The following XKR4 variants were observed in gnomAD, a reference collection of about 807,000 sequenced individuals.
XKR4 encodes the protein XK-related protein 4.
Under a neutral mutation model 53.9 loss-of-function variants are expected in XKR4, and 12 were observed. The observed-to-expected ratio is 0.22, with a 90% CI of 0.14 to 0.36. The LOEUF (loss-of-function observed/expected upper bound fraction) is 0.36. XKR4 is among the 10% of genes least tolerant of loss of function. The pLI is 1.00. For synonymous variants in XKR4, 354 were observed against 362.4 expected, an observed-to-expected ratio of 0.98 and a Z score of 0.26; for missense variants, 799 against 859.5, an observed-to-expected ratio of 0.93 and a Z score of 0.88.
At chr8:55,370,763 G>T (rs16919958) in intron 2 of XKR4, among the ~76,000 whole-genome samples, 1 of 152,008 alleles carries the variant, frequency 6.6e-6, no homozygotes, top group Admixed American at 6.5e-5. Flanking sequence ...GGAAAATTCC[G>T]TCGAGATGCA....
At chr8:55,472,213 G>T (rs561942037) in intron 2 of XKR4, among the ~76,000 whole-genome samples, 44 of 152,224 alleles carry the variant, frequency 2.9e-4, no homozygotes, top group Non-Finnish European at 4.7e-4. Context: ...TGGTAGATTA[G>T]CTAGGAATGG....
In XKR4 at chr8:55,416,785, C is replaced by G. The variant is rs961978686; in HGVS notation, c.1006+58908C>G. On this transcript the variant is annotated intron_variant, in intron 2 of 2. Coordinates refer to ENST00000327381, the MANE Select transcript of XKR4 (RefSeq NM_052898.2). ...GCCAGAAATGTATTTTACCTGATAC[C>G]ACAGCGATTCTCTATGAATTTAAGC... is the stretch of plus-strand genomic sequence containing the variant. Among the ~76,000 whole-genome samples the G allele has an allele frequency of 3.3e-5, 5 of 152,082 alleles. 1 individual carries two copies. In the East Asian group the frequency reaches 9.6e-4, roughly 29 times the overall value.
intron 1 of XKR4, among the ~76,000 whole-genome samples, chr8:55,222,864 C>G (rs1351659003): frequency 2.0e-5 from 3 of 151,888 alleles, no homozygotes; most frequent in Non-Finnish European, 4.4e-5. Context: ...TAAGGTCATT[C>G]ACACCACAGA....
intron 2 of XKR4, among the ~76,000 whole-genome samples, chr8:55,462,880 G>A (rs1024198068): frequency 3.9e-5 from 6 of 152,080 alleles, no homozygotes; most frequent in African/African-American, 1.2e-4. Context: ...GACAAAGAAG[G>A]CCATTACATA....
At chr8:55,412,318 G>T (rs755789376) in intron 2 of XKR4, among the ~76,000 whole-genome samples, 4 of 152,134 alleles carry the variant, frequency 2.6e-5, no homozygotes, top group Non-Finnish European at 4.4e-5. Context: ...GATTTCTAAA[G>T]CTCTTTTCAG....
At chr8:55,466,986 T>A (rs1805784661) in intron 2 of XKR4, among the ~76,000 whole-genome samples, 1 of 152,110 alleles carries the variant, frequency 6.6e-6, no homozygotes, top group Non-Finnish European at 1.5e-5. Flanking sequence ...GACCTCACAG[T>A]TTCTGTGGGT....
At chr8:55,336,170 A>T (rs1803458218) in intron 1 of XKR4, among the ~76,000 whole-genome samples, 1 of 152,124 alleles carries the variant, frequency 6.6e-6, no homozygotes, top group African/African-American at 2.4e-5. Flanking sequence ...CGTGGGAGGA[A>T]CCTGGTGAGA....
At chr8:55,449,127 G>A (rs1585578486) in intron 2 of XKR4, among the ~76,000 whole-genome samples, 1 of 150,838 alleles carries the variant, frequency 6.6e-6, no homozygotes, top group African/African-American at 2.4e-5. Context: ...TTGACCAAAG[G>A]TGATAACAAA....
chr8:55,109,157 G>A (rs745513079), intron 1 of XKR4, among the ~76,000 whole-genome samples: 7 of 152,096 alleles, frequency 4.6e-5, no homozygotes, highest in Non-Finnish European at 5.9e-5. Context: ...CAGATCAACT[G>A]GGCTTCCTTA....
chr8:55,241,462 C>G (rs1216968817), intron 1 of XKR4, among the ~76,000 whole-genome samples: 1 of 150,154 alleles, frequency 6.7e-6, no homozygotes, highest in East Asian at 1.9e-4. Context: ...GTCCATCAGC[C>G]CAGGCACATG....
At chr8:55,390,558 GC>G (rs1796965337) in intron 2 of XKR4, among the ~76,000 whole-genome samples, 1 of 152,186 alleles carries the variant, frequency 6.6e-6, no homozygotes, top group South Asian at 2.1e-4. Context: ...TCCATTAGAA[GC>G]TGTATTTGCC....
At position 55,396,399 on chromosome 8, in the gene XKR4, G is replaced by GTTTTTTTTTTTTTTTTTTTTTT. The variant is rs71256534; in HGVS notation, c.1006+38541_1006+38542insTTTTTTTTTTTTTTTTTTTTTT. On this transcript the variant is annotated intron_variant, in intron 2 of 2. Transcript: ENST00000327381. ...TTTTTTTGTGTTTTTTTTTTGTTTG[G>GTTTTTTTTTTTTTTTTTTTTTT]TTTTTTTTTTTTTTTTTTTGCAGAG... 3.2e-4 allele frequency among the ~76,000 whole-genome samples: 28 copies of GTTTTTTTTTTTTTTTTTTTTTT among 88,738 alleles called. 3 individuals carry two copies. Among genetic ancestry groups the GTTTTTTTTTTTTTTTTTTTTTT allele is most frequent in the Non-Finnish European group, 4.4e-4 (22 of 50,218 alleles). The allele number at this position is 88,738 out of a possible 152,430, so 58.2% of individuals were successfully genotyped here. A position where few individuals can be genotyped will look rare whatever the true frequency, so the allele number is the denominator to read the frequency against.
chr8:55,392,725 A>G (rs142603949), intron 2 of XKR4, among the ~76,000 whole-genome samples: 1 of 152,314 alleles, frequency 6.6e-6, no homozygotes, highest in African/African-American at 2.4e-5. Context: ...TAAGAAGCAG[A>G]GGTTACAGTG....
chr8:55,477,836 G>C (rs1806024436), intron 2 of XKR4, among the ~76,000 whole-genome samples: 1 of 152,146 alleles, frequency 6.6e-6, no homozygotes, highest in African/African-American at 2.4e-5. Flanking sequence ...GAAATGAAGT[G>C]AGAAGGGAAG....
intron 2 of XKR4, among the ~76,000 whole-genome samples, chr8:55,361,049 A>G (rs915980706): frequency 2.3e-4 from 35 of 152,288 alleles, no homozygotes; most frequent in African/African-American, 8.2e-4. Flanking sequence ...CCACAGTCAC[A>G]TTGGACATAT....
rs372757646 is a variant in XKR4 at position 55,248,019 on chromosome 8, C to G, written c.807-109659C>G. 1.1e-4 allele frequency among the ~76,000 whole-genome samples: 17 copies of G among 151,666 alleles called. No individual in the cohort carries two copies. The East Asian group carries it at 1.2e-3, about 10-fold the overall frequency. ...TACAGGTGCGTGCCACTACACCCAG[C>G]TAATTTTTTGTATTTTTAGTAGAGA... On this transcript the variant is annotated intron_variant, in intron 1 of 2. Transcript: ENST00000327381.
intron 1 of XKR4, among the ~76,000 whole-genome samples, chr8:55,327,561 A>G (rs1042105987): frequency 2.6e-5 from 4 of 152,212 alleles, no homozygotes. Context: ...CTAATGCATA[A>G]TAATTCTAAT....
At chr8:55,146,556 T>C (rs578163772) in intron 1 of XKR4, among the ~76,000 whole-genome samples, 1 of 152,344 alleles carries the variant, frequency 6.6e-6, no homozygotes, top group East Asian at 1.9e-4. Context: ...GCAATTGTGA[T>C]TGAGAAATTG....
intron 1 of XKR4, among the ~76,000 whole-genome samples, chr8:55,334,397 C>T (rs1229145176): frequency 2.6e-5 from 4 of 152,180 alleles, no homozygotes; most frequent in African/African-American, 4.8e-5. Flanking sequence ...GTCATGATAA[C>T]ATCTCCATCT....
Sources: gnomAD v4.1 joint callset for allele counts (sites outside exome capture counted in the v4.1 genomes callset) on GRCh38, gnomAD v4.1.1 for gene constraint, MANE v1.5 for transcripts, NCBI Gene and HGNC (gene_info 2026-07-23, HGNC 2026-07-21) for gene names.